Variants in HERC1 observed in about 807,000 individuals in gnomAD.
The protein encoded by HERC1 is probable E3 ubiquitin-protein ligase HERC1.
HERC1 carries 160 observed loss-of-function variants against 554.3 expected under a neutral mutation model. The ratio of observed to expected loss-of-function variants is 0.29; its 90% CI spans 0.25 to 0.33. The LOEUF is 0.33. Among genes scored for constraint, HERC1 ranks in the 10% least tolerant of loss-of-function variants. The probability of loss-of-function intolerance (pLI) is 1.00; values close to 1 mark genes in which losing one functional copy is unlikely to be tolerated. For synonymous variants in HERC1, 2,175 were observed against 2,131.7 expected (o/e 1.02, Z -0.56); for missense variants, 4,919 against 5,918.5 (o/e 0.83, Z 5.54).
chr15:63,651,424 C>G (rs2069670057), intron 52 of HERC1, 44 bp from the exon 53 acceptor site: 2 of 1,571,782 alleles, frequency 1.3e-6, no homozygotes, highest in South Asian at 1.2e-5. Flanking sequence ...CCCCATCATT[C>G]AAAAGTAAAT....
intron 24 of HERC1, among the ~76,000 whole-genome samples, chr15:63,710,846 C>T (rs144672483): frequency 3.9e-4 from 59 of 152,230 alleles, no homozygotes; most frequent in East Asian, 1.2e-3. Context: ...TGCAGATTCA[C>T]GCAACAGCTA....
In HERC1 at chr15:63,656,308, T is replaced by C; in HGVS notation, c.9650A>G (p.Asp3217Gly). Residue 3217 changes from aspartate (D) to glycine (G), a missense_variant, in exon 49 of 78, where the codon GAT becomes GGT. Coordinates refer to ENST00000443617, the MANE Select transcript of HERC1 (RefSeq NM_003922.4). ...CATTAATCGAACTAGCGTTCGGATA[T>C]CTGTTAGCCCCAGAGACTCAAGACC... is the stretch of plus-strand genomic sequence containing the variant. Reference protein sequence around the residue: ...AAGLESLGLTDIRTLVRLMCL... With the variant: ...AAGLESLGLTGIRTLVRLMCL... 1 of 1,613,834 alleles carries C rather than the reference T, an allele frequency of 6.2e-7. No homozygotes were observed. The highest frequency in any genetic ancestry group is 1.1e-5 in the South Asian group (1 of 91,088).
chr15:63,746,227 T>A lies in HERC1; in HGVS notation c.2520+691A>T, dbSNP rs978088060. Among the ~76,000 whole-genome samples the A allele has an allele frequency of 1.1e-4, 16 of 152,208 alleles. No individual in the cohort carries two copies. The South Asian group carries it at 1.2e-3, about 12-fold the overall frequency. ...TTCATGAGTTTTGGTATGTTAAGTT[T>A]TTGTTTTCATTAATCTTAAGTATTA... is the stretch of plus-strand genomic sequence containing the variant. On this transcript the variant is annotated intron_variant, in intron 12 of 77. Coordinates refer to ENST00000443617, the MANE Select transcript of HERC1 (RefSeq NM_003922.4).
At chr15:63,653,083 A>G (rs2069790067) in intron 51 of HERC1, among the ~76,000 whole-genome samples, 1 of 152,248 alleles carries the variant, frequency 6.6e-6, no homozygotes, top group Non-Finnish European at 1.5e-5. Flanking sequence ...TGTTTACTTA[A>G]TAAGTACTTT....
chr15:63,730,287 T>C (rs1426062757), intron 14 of HERC1, among the ~76,000 whole-genome samples: 1 of 151,712 alleles, frequency 6.6e-6, no homozygotes, highest in Non-Finnish European at 1.5e-5. Flanking sequence ...AGACTTCACC[T>C]CTAAAAAAAT....
intron 19 of HERC1, among the ~76,000 whole-genome samples, chr15:63,720,718 T>C (rs1470064690): frequency 2.6e-5 from 4 of 152,142 alleles, no homozygotes; most frequent in African/African-American, 9.7e-5. Context: ...AATCATCCAT[T>C]CCATGGAATT....
intron 1 of HERC1, among the ~76,000 whole-genome samples, chr15:63,795,040 C>A (rs544532130): frequency 3.3e-4 from 40 of 119,918 alleles, no homozygotes; most frequent in African/African-American, 1.3e-3. Flanking sequence ...CATTCCAGCC[C>A]GGGCAACAGA....
intron 55 of HERC1, among the ~76,000 whole-genome samples, chr15:63,646,803 A>G (rs1454294521): frequency 6.7e-6 from 1 of 148,234 alleles, no homozygotes; most frequent in Non-Finnish European, 1.5e-5. Context: ...GCATGACTCC[A>G]TCTCAGGAAA....
chr15:63,693,871 TAAGG>T, intron 30 of HERC1, 89 bp downstream of exon 30: 1 of 1,282,796 alleles, frequency 7.8e-7, no homozygotes, highest in Non-Finnish European at 1.1e-6. Context: ...TCATACCTCA[TAAGG>T]AAGAGGAACT....
chr15:63,795,956 C>T lies in HERC1; in HGVS notation c.-26-20307G>A, dbSNP rs146754363. 3.3e-3 allele frequency among the ~76,000 whole-genome samples: 505 copies of T among 152,292 alleles called. 3 individuals are homozygous for T. The highest frequency in any genetic ancestry group is 4.5e-3 in the Non-Finnish European group (303 of 68,024). On this transcript the variant is annotated intron_variant, in intron 1 of 77. Coordinates refer to ENST00000443617, the MANE Select transcript of HERC1 (RefSeq NM_003922.4). ...TTAAATAAGGAAGAGGAACAGGCTA[C>T]GACCTAATGCTTGCTTGAACCAGTA...
chr15:63,756,868 CAG>C lies in HERC1; in HGVS notation c.1222-122_1222-121del. 1 of 632,044 alleles carries C rather than the reference CAG, an allele frequency of 1.6e-6. No individual in the cohort carries two copies. The highest frequency in any genetic ancestry group is 2.7e-6 in the Non-Finnish European group (1 of 374,912). The allele number at this position is 632,044 out of a possible 1,614,324, so 39.2% of individuals were successfully genotyped here. The stretch of plus-strand genomic sequence containing the variant: ...TTTAGCAGGATACGGCATGATTCTC[CAG>C]AGAGATTAAGGAATATACAGAAATC... On this transcript the variant is annotated intron_variant, in intron 4 of 77. Coordinates refer to ENST00000443617, the MANE Select transcript of HERC1 (RefSeq NM_003922.4). The surrounding 1 kb of genome is among the most constrained non-coding windows in gnomAD (Gnocchi z 5.0).
At chr15:63,712,347 T>G (rs2073341303) in intron 24 of HERC1, among the ~76,000 whole-genome samples, 1 of 152,066 alleles carries the variant, frequency 6.6e-6, no homozygotes, top group South Asian at 2.1e-4. Flanking sequence ...CTTAACTGGA[T>G]TGGGAAGGGG....
intron 77 of HERC1, among the ~76,000 whole-genome samples, chr15:63,611,535 G>A (rs2067591026): frequency 6.6e-6 from 1 of 152,180 alleles, no homozygotes; most frequent in Non-Finnish European, 1.5e-5. Flanking sequence ...GGGCACAGAG[G>A]TTATCGTTGC....
chr15:63,613,308 T>C (rs978910921), intron 76 of HERC1, among the ~76,000 whole-genome samples: 8 of 152,218 alleles, frequency 5.3e-5, no homozygotes, highest in Non-Finnish European at 8.8e-5. Flanking sequence ...CTTAGCATCA[T>C]AGTGCTGGGC....
intron 11 of HERC1, 79 bp from the exon 12 acceptor site, chr15:63,747,162 C>A: frequency 7.2e-7 from 1 of 1,391,426 alleles, no homozygotes; most frequent in Non-Finnish European, 9.8e-7. Context: ...ATTTTTATAT[C>A]TTTAAAAATT....
In HERC1 at chr15:63,612,029, T is replaced by C. The variant is rs1304948779; in HGVS notation, c.14400+222A>G. Among the ~76,000 whole-genome samples the C allele has an allele frequency of 6.6e-6, 1 of 152,010 alleles. No individual in the cohort carries two copies. On this transcript the variant is annotated intron_variant, in intron 77 of 77. Coordinates refer to ENST00000443617, the MANE Select transcript of HERC1 (RefSeq NM_003922.4). The surrounding 1 kb of genome is among the most constrained non-coding windows in gnomAD (Gnocchi z 5.0). ...GTGAATCCCCGTCTCTACCAAAATATACAAAAAAATTAGCCAGGCGTGGTG... is the reference window on the plus strand; with the variant it reads ...GTGAATCCCCGTCTCTACCAAAATACACAAAAAAATTAGCCAGGCGTGGTG...
chr15:63,798,593 T>C (rs1178201176), intron 1 of HERC1, among the ~76,000 whole-genome samples: 1 of 150,022 alleles, frequency 6.7e-6, no homozygotes, highest in African/African-American at 2.4e-5. Flanking sequence ...ACTTGAAAAC[T>C]AGTGCTTTCT....
chr15:63,660,493 A>G (rs1477543024), intron 46 of HERC1, among the ~76,000 whole-genome samples: 1 of 152,208 alleles, frequency 6.6e-6, no homozygotes, highest in Non-Finnish European at 1.5e-5. Context: ...ATGTAGTTAA[A>G]TAAGTTGACA....
At chr15:63,771,633 T>C (rs935638933) in intron 2 of HERC1, among the ~76,000 whole-genome samples, 1 of 151,992 alleles carries the variant, frequency 6.6e-6, no homozygotes, top group Non-Finnish European at 1.5e-5. Context: ...GGTTTCACCA[T>C]GTTGGCCAGG....
Sources: allele counts gnomAD v4.1 joint callset (sites outside exome capture counted in the v4.1 genomes callset), GRCh38; gene constraint gnomAD v4.1.1; non-coding constraint Gnocchi (gnomAD v3.1); transcripts MANE v1.5; gene names NCBI Gene and HGNC (gene_info 2026-07-23, HGNC 2026-07-21).